Variants in RUBCN observed in about 807,000 individuals in gnomAD.
The protein encoded by RUBCN is run domain Beclin-1-interacting and cysteine-rich domain-containing protein.
Under a neutral mutation model 113.2 loss-of-function variants are expected in RUBCN, and 74 were observed. The ratio of observed to expected loss-of-function variants is 0.65; its 90% CI spans 0.54 to 0.79. The LOEUF is 0.79. RUBCN is among the 30% of genes least tolerant of loss of function. RUBCN has a pLI of 0.00. For missense variants in RUBCN, 1,109 were observed against 1,251.7 expected, an observed-to-expected ratio of 0.89 and a Z score of 1.72; for synonymous variants, 480 against 490.0, an observed-to-expected ratio of 0.98 and a Z score of 0.27.
At chr3:197,686,643 G>C (rs1393245482) in intron 11 of RUBCN, among the ~76,000 whole-genome samples, 1 of 152,244 alleles carries the variant, frequency 6.6e-6, no homozygotes, top group Non-Finnish European at 1.5e-5. Flanking sequence ...CCAGAGAACT[G>C]AGGAGTGAAG....
intron 7 of RUBCN, chr3:197,700,337 C>T (rs555123053): frequency 5.8e-6 from 3 of 520,904 alleles, no homozygotes; most frequent in South Asian, 6.2e-5. Flanking sequence ...TTTGAAAACT[C>T]GCACTATGAG....
intron 1 of RUBCN, among the ~76,000 whole-genome samples, chr3:197,723,763 C>G (rs1483404275): frequency 1.3e-5 from 2 of 152,134 alleles, no homozygotes; most frequent in African/African-American, 4.8e-5. Flanking sequence ...ATGCCTGAAT[C>G]TTAGATGCAA....
At chr3:197,699,712 G>A (rs1723423295) in intron 7 of RUBCN, among the ~76,000 whole-genome samples, 1 of 152,170 alleles carries the variant, frequency 6.6e-6, no homozygotes, top group Non-Finnish European at 1.5e-5. Flanking sequence ...TAATTCTGAA[G>A]GTTTCAGATG....
chr3:197,742,303 G>C (rs1352972813), intron 1 of RUBCN, among the ~76,000 whole-genome samples: 1 of 152,100 alleles, frequency 6.6e-6, no homozygotes, highest in South Asian at 2.1e-4. Flanking sequence ...GGCCAGCCTG[G>C]CCAGCATGGT....
At chr3:197,733,200 C>CAGT (rs1727719146) in intron 1 of RUBCN, among the ~76,000 whole-genome samples, 5 of 152,346 alleles carry the variant, frequency 3.3e-5, no homozygotes, top group African/African-American at 1.2e-4. Context: ...CGGCTGGGCA[C>CAGT]AGTGGCTCAT....
chr3:197,694,153 A>C, intron 10 of RUBCN: 1 of 658,736 alleles, frequency 1.5e-6, no homozygotes, highest in Non-Finnish European at 2.8e-6. Flanking sequence ...GGCCTCCCAA[A>C]GTGCTGGGAT....
chr3:197,697,315 T>G (rs1474300530), intron 7 of RUBCN, among the ~76,000 whole-genome samples: 2 of 152,340 alleles, frequency 1.3e-5, no homozygotes, highest in East Asian at 3.9e-4. Flanking sequence ...AATGGATTCA[T>G]GGAATTTGCT....
rs1719698208 is a variant in RUBCN, at chr3:197,670,626, T to C, written c.*4392A>G. Among the ~76,000 whole-genome samples, 1 of 152,258 alleles carries C rather than the reference T, an allele frequency of 6.6e-6. No homozygotes were observed. Among genetic ancestry groups the C allele is most frequent in the East Asian group, 1.9e-4 (1 of 5,202 alleles). Reference sequence around the variant, plus strand: ...CTGTAAGCTATTTTCCTATCTCTAGTTGAAAAACATTTGAACATTTTATCA... The same window carrying C: ...CTGTAAGCTATTTTCCTATCTCTAGCTGAAAAACATTTGAACATTTTATCA... On this transcript the variant is annotated 3_prime_UTR_variant, in exon 20 of 20. Coordinates refer to ENST00000296343, the MANE Select transcript of RUBCN (RefSeq NM_014687.4).
intron 1 of RUBCN, among the ~76,000 whole-genome samples, chr3:197,731,036 T>C (rs1228586174): frequency 6.6e-6 from 1 of 151,930 alleles, no homozygotes; most frequent in Admixed American, 6.6e-5. Context: ...TGGGTGTTTC[T>C]CGCAGAGGGG....
upstream of RUBCN, among the ~76,000 whole-genome samples, chr3:197,740,642 A>G (rs562141826): frequency 6.6e-6 from 1 of 151,164 alleles, no homozygotes; most frequent in East Asian, 2.0e-4. Context: ...TTTTTTTGAG[A>G]CAGAGTCTTG....
In RUBCN at chr3:197,729,627, G is replaced by C. The variant is rs145121971; in HGVS notation, c.65+7028C>G. On this transcript the variant is annotated intron_variant, in intron 1 of 19. Transcript: ENST00000296343. ...AGGGTGGAGTGCAGTGGCATCACCT[G>C]GGCTCACTGCAACCTCCGCCTACCA... Among the ~76,000 whole-genome samples, 450 of 152,186 alleles carry C rather than the reference G, an allele frequency of 3.0e-3. 1 individual carries two copies. Among genetic ancestry groups the C allele is most frequent in the African/African-American group, 0.01 (425 of 41,530 alleles).
At chr3:197,743,637 C>T (rs1728616618) in intron 1 of RUBCN, among the ~76,000 whole-genome samples, 1 of 152,098 alleles carries the variant, frequency 6.6e-6, no homozygotes, top group Non-Finnish European at 1.5e-5. Flanking sequence ...AGAAGAAAAC[C>T]TGTAGTGTAT....
chr3:197,730,464 T>C (rs1003267460), intron 1 of RUBCN, among the ~76,000 whole-genome samples: 2 of 152,106 alleles, frequency 1.3e-5, no homozygotes, highest in African/African-American at 4.8e-5. Context: ...ATAGTCTACC[T>C]GAGAATGAAA....
At chr3:197,699,171 G>A (rs1198704189) in intron 7 of RUBCN, 11 of 1,537,422 alleles carry the variant, frequency 7.2e-6, no homozygotes, top group African/African-American at 5.5e-5. Context: ...AGGAGGTGGA[G>A]GACCGATTCC....
At chr3:197,689,481 C>T (rs1259904139) in intron 11 of RUBCN, among the ~76,000 whole-genome samples, 1 of 152,132 alleles carries the variant, frequency 6.6e-6, no homozygotes, top group East Asian at 1.9e-4. Flanking sequence ...GCAGATTGGA[C>T]ATGCTCTGAG....
At chr3:197,724,961 C>T (rs936471924) in intron 1 of RUBCN, among the ~76,000 whole-genome samples, 1 of 152,118 alleles carries the variant, frequency 6.6e-6, no homozygotes, top group Non-Finnish European at 1.5e-5. Context: ...AGGTGCATTG[C>T]TTGAGCTCAG....
intron 2 of RUBCN, among the ~76,000 whole-genome samples, chr3:197,716,956 A>G (rs1725582976): frequency 6.6e-6 from 1 of 152,134 alleles, no homozygotes; most frequent in Non-Finnish European, 1.5e-5. Flanking sequence ...TCCTGTCTCT[A>G]CAAAAAACAC....
intron 6 of RUBCN, among the ~76,000 whole-genome samples, chr3:197,701,422 C>G (rs1723655648): frequency 6.6e-6 from 1 of 152,094 alleles, no homozygotes; most frequent in Non-Finnish European, 1.5e-5. Context: ...CACAACAGAG[C>G]CTAGTACATG....
intron 11 of RUBCN, among the ~76,000 whole-genome samples, chr3:197,687,413 C>T (rs990129484): frequency 3.9e-5 from 6 of 152,202 alleles, no homozygotes; most frequent in African/African-American, 4.8e-5. Context: ...AATTTATTGT[C>T]TTTCAACTCC....
Sources: allele counts gnomAD v4.1 joint callset (sites outside exome capture counted in the v4.1 genomes callset), GRCh38; gene constraint gnomAD v4.1.1; transcripts MANE v1.5; gene names NCBI Gene and HGNC (gene_info 2026-07-23, HGNC 2026-07-21).